RBFOX1: variants seen among roughly 807,000 people sequenced by gnomAD.
The protein encoded by RBFOX1 is RNA binding fox-1 homolog 1, also known as RNA binding protein fox-1 homolog 1.
In RBFOX1, 8 loss-of-function variants were observed where a neutral mutation model predicts 57.7. The observed-to-expected ratio is 0.14, with a 90% CI of 0.08 to 0.25. The LOEUF is 0.25. RBFOX1 is among the 10% of genes least tolerant of loss of function. RBFOX1 has a pLI of 1.00. For missense variants in RBFOX1, 611 were observed against 548.5 expected (o/e 1.11, Z -1.14); for synonymous variants, 326 against 222.4 (o/e 1.47, Z -4.15).
At chr16:5,828,116 C>G (rs551672714) in intron 3 of RBFOX1, among the ~76,000 whole-genome samples, 25 of 151,868 alleles carry the variant, frequency 1.6e-4, no homozygotes, top group African/African-American at 5.6e-4. Flanking sequence ...CATTAATCCA[C>G]TCAGCCACCT....
chr16:5,861,620 C>G (rs1319498878), intron 3 of RBFOX1, among the ~76,000 whole-genome samples: 1 of 152,206 alleles, frequency 6.6e-6, no homozygotes, highest in Non-Finnish European at 1.5e-5. Flanking sequence ...CCTTGACGAA[C>G]ATAAGCAGCC....
In RBFOX1 at chr16:6,317,034, T is replaced by A; in HGVS notation, c.-87T>A. The A allele has an allele frequency of 3.3e-6, 5 of 1,535,598 alleles. No homozygotes were observed. The highest frequency in any genetic ancestry group is 4.4e-6 in the Non-Finnish European group (5 of 1,146,532). The stretch of plus-strand genomic sequence containing the variant: ...AACTCATGCAAGTGGAACTTACAGC[T>A]TCCTTGATCGGACTCAGCATTCAGT... On this transcript the variant is annotated 5_prime_UTR_variant, in exon 2 of 16. Coordinates refer to ENST00000550418, the MANE Select transcript of RBFOX1 (RefSeq NM_018723.4).
intron 2 of RBFOX1, among the ~76,000 whole-genome samples, chr16:6,397,271 T>C (rs544475395): frequency 1.3e-5 from 2 of 152,272 alleles, no homozygotes; most frequent in Non-Finnish European, 2.9e-5. Context: ...AAATAAAAGA[T>C]AAAAACATCT....
At chr16:5,507,146 G>A (rs1041756622) in intron 2 of RBFOX1, among the ~76,000 whole-genome samples, 1 of 152,074 alleles carries the variant, frequency 6.6e-6, no homozygotes, top group African/African-American at 2.4e-5. Flanking sequence ...TTGGGTTGTG[G>A]TCAGGATGAA....
intron 2 of RBFOX1, among the ~76,000 whole-genome samples, chr16:5,593,596 G>A (rs1038150470): frequency 3.9e-5 from 6 of 152,168 alleles, no homozygotes; most frequent in Admixed American, 3.3e-4. Flanking sequence ...CGTCCTCACT[G>A]CTACACTCCC....
At chr16:7,258,443 T>G (rs993048951) in intron 4 of RBFOX1, among the ~76,000 whole-genome samples, 1 of 152,182 alleles carries the variant, frequency 6.6e-6, no homozygotes, top group African/African-American at 2.4e-5. Flanking sequence ...TTTGCCTGTT[T>G]CATCTTCTAT....
intron 1 of RBFOX1, among the ~76,000 whole-genome samples, chr16:6,222,847 C>T (rs112387361): frequency 9.9e-5 from 15 of 152,024 alleles, no homozygotes; most frequent in African/African-American, 2.7e-4. Flanking sequence ...GCTATCCTTC[C>T]GCCCTACCCC....
intron 3 of RBFOX1, among the ~76,000 whole-genome samples, chr16:6,825,992 C>A (rs189230713): frequency 3.3e-5 from 5 of 152,266 alleles, no homozygotes; most frequent in Middle Eastern, 3.4e-3. Flanking sequence ...AAATGTTGAA[C>A]CTTCTTTACA....
intron 14 of RBFOX1, among the ~76,000 whole-genome samples, chr16:7,707,132 G>A (rs1033716459): frequency 7.9e-5 from 12 of 152,308 alleles, no homozygotes; most frequent in African/African-American, 2.9e-4. Context: ...GAATCCTCTT[G>A]AAGCTGAAAG....
intron 3 of RBFOX1, among the ~76,000 whole-genome samples, chr16:6,966,743 G>A (rs1433596042): frequency 2.0e-5 from 3 of 151,194 alleles, no homozygotes; most frequent in African/African-American, 4.9e-5. Flanking sequence ...AACTCTGCCT[G>A]CCTCTATCTG....
At chr16:7,025,152 G>A (rs1280516906) in intron 3 of RBFOX1, among the ~76,000 whole-genome samples, 1 of 152,176 alleles carries the variant, frequency 6.6e-6, no homozygotes, top group African/African-American at 2.4e-5. Context: ...CAGCCCTGAA[G>A]GCTGCTGCCT....
Position 7,273,200 on chromosome 16 carries a change from CCCTCCCTT to C in RBFOX1, c.27+221106_27+221113del, listed in dbSNP as rs1239832750. On this transcript the variant is annotated intron_variant, in intron 4 of 15. Transcript: ENST00000550418. Reference sequence around the variant, plus strand: ...TCCCTTCCTTCCTCCCTTCCTTCCTCCCTCCCTTCCTTCCTTCCTTCCTTCCTTCCTTC... The same window carrying C: ...TCCCTTCCTTCCTCCCTTCCTTCCTCCCTTCCTTCCTTCCTTCCTTCCTTC... 8.2e-3 allele frequency among the ~76,000 whole-genome samples: 436 copies of C among 53,374 alleles called. 17 individuals carry two copies. Among genetic ancestry groups the C allele is most frequent in the South Asian group, 0.011 (13 of 1,180 alleles). 35.0% of individuals were successfully genotyped at this position (53,374 alleles called of 152,430 possible). A position where few individuals can be genotyped will look rare whatever the true frequency, so the allele number is the denominator to read the frequency against.
At chr16:7,176,398 A>G (rs1182847320) in intron 4 of RBFOX1, among the ~76,000 whole-genome samples, 1 of 152,034 alleles carries the variant, frequency 6.6e-6, no homozygotes, top group Non-Finnish European at 1.5e-5. Context: ...TAATTTGACC[A>G]CACACAGTTA....
intron 2 of RBFOX1, among the ~76,000 whole-genome samples, chr16:6,562,880 CTT>C (rs71145250): frequency 1.9e-5 from 1 of 51,776 alleles, no homozygotes; most frequent in Non-Finnish European, 3.9e-5. Context: ...TTCTTTCTTT[CTT>C]TTTTTTTTTT....
At chr16:5,497,110 A>G (rs2151686334) in intron 2 of RBFOX1, among the ~76,000 whole-genome samples, 1 of 152,350 alleles carries the variant, frequency 6.6e-6, no homozygotes, top group African/African-American at 2.4e-5. Flanking sequence ...TAGCAATCAG[A>G]GCCTGAAATG....
chr16:5,831,309 C>G (rs1243190165), intron 3 of RBFOX1, among the ~76,000 whole-genome samples: 1 of 151,954 alleles, frequency 6.6e-6, no homozygotes, highest in Non-Finnish European at 1.5e-5. Context: ...GTGTGTGGCA[C>G]CTTCCCTGCC....
chr16:6,530,901 G>C (rs1197863122), intron 2 of RBFOX1, among the ~76,000 whole-genome samples: 2 of 152,076 alleles, frequency 1.3e-5, no homozygotes, highest in Non-Finnish European at 2.9e-5. Context: ...ATTTGCATAG[G>C]GTCACAGCCA....
chr16:7,197,036 G>C (rs980044031), intron 4 of RBFOX1, among the ~76,000 whole-genome samples: 4 of 152,154 alleles, frequency 2.6e-5, no homozygotes, highest in Non-Finnish European at 4.4e-5. Flanking sequence ...GCACACCATA[G>C]CCATCTTTCA....
intron 1 of RBFOX1, among the ~76,000 whole-genome samples, chr16:6,184,953 G>A (rs1362055501): frequency 6.6e-6 from 1 of 152,162 alleles, no homozygotes; most frequent in Non-Finnish European, 1.5e-5. Flanking sequence ...TTCAGGGAAA[G>A]AGAGAGAGAA....
Sources: allele counts gnomAD v4.1 joint callset (sites outside exome capture counted in the v4.1 genomes callset), GRCh38; gene constraint gnomAD v4.1.1; transcripts MANE v1.5; gene names NCBI Gene and HGNC (gene_info 2026-07-23, HGNC 2026-07-21).